Variants in PDGFD observed in about 807,000 individuals in gnomAD.
PDGFD encodes platelet-derived growth factor D.
PDGFD carries 30 observed loss-of-function variants against 44.7 expected under a neutral mutation model. The ratio of observed to expected loss-of-function variants is 0.67; its 90% CI spans 0.50 to 0.91. The LOEUF is 0.91. Ranked by LOEUF, PDGFD falls within the 40% of genes least tolerant of loss-of-function variation. PDGFD has a pLI of 0.00. For missense variants in PDGFD, 445 were observed against 457.8 expected (o/e 0.97, Z 0.25); for synonymous variants, 173 against 168.4 (o/e 1.03, Z -0.21).
At chr11:103,970,096 C>G (rs1034419602) in intron 3 of PDGFD, among the ~76,000 whole-genome samples, 2 of 151,944 alleles carry the variant, frequency 1.3e-5, no homozygotes, top group Admixed American at 1.3e-4. Flanking sequence ...GTGCAATGTA[C>G]AAGTATAGGG....
intron 3 of PDGFD, among the ~76,000 whole-genome samples, chr11:103,988,268 CA>C (rs1284117256): frequency 1.3e-5 from 2 of 151,712 alleles, no homozygotes; most frequent in African/African-American, 4.8e-5. Flanking sequence ...ATCTAAAAAT[CA>C]CTACATTTTT....
chr11:104,129,200 C>T (rs937430594), intron 1 of PDGFD, among the ~76,000 whole-genome samples: 5 of 151,738 alleles, frequency 3.3e-5, no homozygotes, highest in Admixed American at 6.6e-5. Context: ...TAACATCCCA[C>T]TCTGTCACTG....
At chr11:104,143,145 C>T (rs1862111281) in intron 1 of PDGFD, among the ~76,000 whole-genome samples, 3 of 152,178 alleles carry the variant, frequency 2.0e-5, no homozygotes, top group East Asian at 1.9e-4. Flanking sequence ...ATTGAGCATG[C>T]GATCTTAAAA....
Position 104,126,472 on chromosome 11 carries a change from T to G in PDGFD, c.124+37332A>C, listed in dbSNP as rs571479475. ...GATATACACTATTCATCGGGTCTTT[T>G]TACACCCAAACAAATTCCAATTGTT... On this transcript the variant is annotated intron_variant, in intron 1 of 6. Transcript: ENST00000393158. Among the ~76,000 whole-genome samples, 3 of 152,290 alleles carry G rather than the reference T, an allele frequency of 2.0e-5. No homozygotes were observed. In the South Asian group the frequency reaches 6.2e-4, roughly 32 times the overall value.
At chr11:104,140,570 G>T (rs1862070736) in intron 1 of PDGFD, among the ~76,000 whole-genome samples, 1 of 151,888 alleles carries the variant, frequency 6.6e-6, no homozygotes, top group South Asian at 2.1e-4. Context: ...CTTTCCTTCA[G>T]GAAAAGAGAG....
chr11:104,002,896 T>C (rs972769179), intron 1 of PDGFD, among the ~76,000 whole-genome samples: 1 of 152,230 alleles, frequency 6.6e-6, no homozygotes, highest in Non-Finnish European at 1.5e-5. Context: ...AAGGTAACCA[T>C]GAGTCTAAAT....
chr11:103,965,679 A>G (rs537790585), intron 3 of PDGFD, among the ~76,000 whole-genome samples: 2 of 152,302 alleles, frequency 1.3e-5, no homozygotes, highest in African/African-American at 4.8e-5. Context: ...CCAGCTCACA[A>G]CGTCTATCAC....
intron 1 of PDGFD, chr11:104,037,611 C>T (rs1860272373): frequency 6.2e-7 from 1 of 1,614,040 alleles, no homozygotes; most frequent in Non-Finnish European, 8.5e-7. Flanking sequence ...ACTCGGGCGC[C>T]CAGATGACCA....
intron 1 of PDGFD, among the ~76,000 whole-genome samples, chr11:104,126,674 T>A (rs1396746937): frequency 6.6e-6 from 1 of 152,136 alleles, no homozygotes; most frequent in Non-Finnish European, 1.5e-5. Context: ...TGACAGGTGC[T>A]ATATAACTGA....
intron 3 of PDGFD, among the ~76,000 whole-genome samples, chr11:103,993,558 A>G (rs1565305230): frequency 1.3e-5 from 2 of 152,056 alleles, no homozygotes; most frequent in Admixed American, 6.6e-5. Context: ...CACCTGGCCT[A>G]CTTCCAGTTT....
At chr11:103,997,027 T>A (rs946363421) in intron 2 of PDGFD, among the ~76,000 whole-genome samples, 7 of 152,194 alleles carry the variant, frequency 4.6e-5, no homozygotes, top group Non-Finnish European at 8.8e-5. Flanking sequence ...ACCTCCAGAG[T>A]GTTCCATCAT....
At chr11:104,042,453 C>T (rs1340085935) in intron 1 of PDGFD, among the ~76,000 whole-genome samples, 1 of 152,074 alleles carries the variant, frequency 6.6e-6, no homozygotes, top group Non-Finnish European at 1.5e-5. Context: ...GATGGGTGTA[C>T]CTGGAGTGGC....
At chr11:103,941,620 C>G (rs772381637) in intron 5 of PDGFD, among the ~76,000 whole-genome samples, 1 of 151,584 alleles carries the variant, frequency 6.6e-6, no homozygotes, top group Non-Finnish European at 1.5e-5. Flanking sequence ...GATCAGGGTG[C>G]CTGCTAAAAA....
intron 1 of PDGFD, 80 bp downstream of exon 1, chr11:104,163,724 A>C (rs886861697): frequency 3.5e-6 from 5 of 1,424,646 alleles, no homozygotes; most frequent in Non-Finnish European, 4.7e-6. Context: ...TTCAAAAAGA[A>C]AGGGGAAAAA....
intron 3 of PDGFD, among the ~76,000 whole-genome samples, chr11:103,972,691 G>C (rs1419778895): frequency 6.6e-6 from 1 of 152,166 alleles, no homozygotes; most frequent in Non-Finnish European, 1.5e-5. Flanking sequence ...ACTTCTCTGA[G>C]CTAATGATGG....
intron 1 of PDGFD, among the ~76,000 whole-genome samples, chr11:104,133,893 A>C (rs1441396655): frequency 6.6e-6 from 1 of 152,128 alleles, no homozygotes; most frequent in African/African-American, 2.4e-5. Context: ...ATCATTTACC[A>C]GGGACATGAT....
chr11:104,049,891 G>A (rs980994874), intron 1 of PDGFD, among the ~76,000 whole-genome samples: 4 of 152,134 alleles, frequency 2.6e-5, no homozygotes. Context: ...TTAGAAGGGG[G>A]TTGAGGAGCC....
At chr11:104,112,162 C>T (rs146726896) in intron 1 of PDGFD, among the ~76,000 whole-genome samples, 20 of 152,152 alleles carry the variant, frequency 1.3e-4, no homozygotes, top group African/African-American at 4.8e-4. Flanking sequence ...ATTAAATCAA[C>T]AATGTGTTTT....
At chr11:103,927,443 A>G (rs1858336692) in intron 5 of PDGFD, among the ~76,000 whole-genome samples, 1 of 152,214 alleles carries the variant, frequency 6.6e-6, no homozygotes, top group Admixed American at 6.5e-5. Context: ...AACATTTGGC[A>G]AATTAAAATA....
Sources: allele counts gnomAD v4.1 joint callset (sites outside exome capture counted in the v4.1 genomes callset), GRCh38; gene constraint gnomAD v4.1.1; transcripts MANE v1.5; gene names NCBI Gene and HGNC (gene_info 2026-07-23, HGNC 2026-07-21).